DOCK2: variants seen among roughly 807,000 people sequenced by gnomAD.
The protein encoded by DOCK2 is dedicator of cytokinesis 2, also known as dedicator of cytokinesis protein 2.
Under a neutral mutation model 248.9 loss-of-function variants are expected in DOCK2, and 87 were observed. The observed-to-expected ratio is 0.35, with a 90% CI of 0.29 to 0.42. The LOEUF is 0.42. DOCK2 is among the 10% of genes least tolerant of loss of function. The pLI is 1.00. For missense variants in DOCK2, 1,747 were observed against 2,300.2 expected (o/e 0.76, Z 4.92); for synonymous variants, 805 against 821.6 (o/e 0.98, Z 0.35).
intron 51 of DOCK2, among the ~76,000 whole-genome samples, chr5:170,082,374 TG>T (rs1428100959): frequency 1.3e-5 from 2 of 152,196 alleles, no homozygotes; most frequent in Non-Finnish European, 2.9e-5. Context: ...TATTGTTACT[TG>T]TTGGCCTTTG....
rs113301302 is a variant in DOCK2 at position 169,880,510 on chromosome 5, G to A, written c.2799+39658G>A. Among the ~76,000 whole-genome samples, 56 of 152,306 alleles carry A rather than the reference G, an allele frequency of 3.7e-4. 1 individual carries two copies. Among genetic ancestry groups the A allele is most frequent in the African/African-American group, 1.2e-3 (51 of 41,562 alleles). ...ACTTTGGTCAACAAAATTAGATGTC[G>A]TCAACGGAAATTACTGCTTTTGACC... On this transcript the variant is annotated intron_variant, in intron 27 of 51. Coordinates refer to ENST00000520908, the MANE Select transcript of DOCK2 (RefSeq NM_004946.3).
intron 27 of DOCK2, among the ~76,000 whole-genome samples, chr5:169,870,981 T>C (rs901392809): frequency 6.6e-6 from 1 of 152,180 alleles, no homozygotes; most frequent in African/African-American, 2.4e-5. Context: ...GTTGGGTGTC[T>C]GGTAAGGGCC....
In DOCK2 at chr5:169,803,047, C is replaced by T. The variant is rs773853527; in HGVS notation, c.2555-11C>T. ...GGAATTCTACACTACTCTGAACTGT[C>T]TTTATTCCAGAATGCCGGGACATTC... is the stretch of plus-strand genomic sequence containing the variant. On this transcript the variant is annotated splice_polypyrimidine_tract_variant and intron_variant, in intron 25 of 51. Transcript: ENST00000520908. The T allele has an allele frequency of 2.5e-6, 4 of 1,613,934 alleles. No homozygotes were observed. Among genetic ancestry groups the T allele is most frequent in the Admixed American group, 1.7e-5 (1 of 59,958 alleles).
intron 47 of DOCK2, 84 bp downstream of exon 47, chr5:170,076,168 A>T (rs1223075442): frequency 3.9e-6 from 6 of 1,534,030 alleles, no homozygotes; most frequent in Non-Finnish European, 5.3e-6. Context: ...GTTGGAGGGG[A>T]TCCAGCAAAG....
At chr5:169,747,789 C>T (rs1763689782) in intron 23 of DOCK2, among the ~76,000 whole-genome samples, 1 of 152,228 alleles carries the variant, frequency 6.6e-6, no homozygotes, top group African/African-American at 2.4e-5. Context: ...GAGAACAGTT[C>T]ATGGTAGCAG....
At chr5:169,855,110 CT>C (rs1561766836) in intron 27 of DOCK2, among the ~76,000 whole-genome samples, 1 of 152,218 alleles carries the variant, frequency 6.6e-6, no homozygotes, top group Non-Finnish European at 1.5e-5. Flanking sequence ...TTATCTCCCC[CT>C]AAGCCTCCAT....
chr5:170,052,897 C>A (rs920299894), intron 41 of DOCK2, among the ~76,000 whole-genome samples: 2 of 152,200 alleles, frequency 1.3e-5, no homozygotes, highest in African/African-American at 4.8e-5. Flanking sequence ...AGTGATGGAG[C>A]TTGGATTTGA....
intron 22 of DOCK2, among the ~76,000 whole-genome samples, chr5:169,742,163 G>A (rs769537417): frequency 6.6e-6 from 1 of 152,048 alleles, no homozygotes; most frequent in Admixed American, 6.6e-5. Context: ...TGTAGTAAGT[G>A]CTCAGTAAAT....
At chr5:170,055,144 T>G (rs1251113509) in intron 41 of DOCK2, among the ~76,000 whole-genome samples, 161 bp from the exon 42 acceptor site, 1 of 152,220 alleles carries the variant, frequency 6.6e-6, no homozygotes, top group African/African-American at 2.4e-5. Context: ...AGTGACTAAC[T>G]AGTCATTAGT....
At chr5:169,980,388 T>C (rs1380203234) in intron 27 of DOCK2, 2 of 152,176 alleles carry the variant, frequency 1.3e-5, no homozygotes, top group Non-Finnish European at 1.5e-5. Flanking sequence ...GTCCTTCATA[T>C]TGTAATTTTC....
intron 41 of DOCK2, among the ~76,000 whole-genome samples, chr5:170,051,502 C>T (rs1265517390): frequency 6.6e-6 from 1 of 152,206 alleles, no homozygotes; most frequent in Non-Finnish European, 1.5e-5. Flanking sequence ...CCTAGCTTGG[C>T]GTCACCTTCT....
chr5:170,055,220 C>T, intron 41 of DOCK2, 85 bp from the exon 42 acceptor site: 1 of 1,352,844 alleles, frequency 7.4e-7, no homozygotes, highest in Non-Finnish European at 1.1e-6. Flanking sequence ...TAAAGGCTGG[C>T]CTGGAAGGTC....
intron 27 of DOCK2, among the ~76,000 whole-genome samples, chr5:169,915,080 A>G (rs1283995409): frequency 6.6e-6 from 1 of 152,218 alleles, no homozygotes; most frequent in Non-Finnish European, 1.5e-5. Flanking sequence ...CTTAGAATCA[A>G]TTCTAGGCCT....
At chr5:169,677,175 G>A (rs1004359972) in intron 6 of DOCK2, among the ~76,000 whole-genome samples, 15 of 152,124 alleles carry the variant, frequency 9.9e-5, no homozygotes, top group African/African-American at 3.4e-4. Flanking sequence ...ATTCAGGGGA[G>A]CTGGCATGGC....
chr5:169,832,066 A>C (rs954981579), intron 26 of DOCK2, among the ~76,000 whole-genome samples: 6 of 152,320 alleles, frequency 3.9e-5, no homozygotes, highest in Middle Eastern at 3.4e-3. Context: ...AAATGAGCTT[A>C]GGTTCAGGTT....
intron 25 of DOCK2, among the ~76,000 whole-genome samples, chr5:169,791,306 G>A (rs984811480): frequency 1.2e-4 from 18 of 152,208 alleles, no homozygotes; most frequent in Admixed American, 1.1e-3. Flanking sequence ...CTAGCCAACT[G>A]CAATGCGATG....
chr5:169,768,229 G>A (rs1764901077), intron 25 of DOCK2, among the ~76,000 whole-genome samples: 2 of 152,214 alleles, frequency 1.3e-5, no homozygotes, highest in South Asian at 4.1e-4. Flanking sequence ...CACATCACAT[G>A]TGCTAACACC....
At chr5:169,967,965 G>A (rs1272134479) in intron 27 of DOCK2, among the ~76,000 whole-genome samples, 2 of 152,200 alleles carry the variant, frequency 1.3e-5, no homozygotes, top group Non-Finnish European at 2.9e-5. Context: ...CACATGGGGA[G>A]GAGGAAGAAA....
At chr5:169,684,004 C>A (rs1037088861) in intron 7 of DOCK2, among the ~76,000 whole-genome samples, 192 bp from the exon 8 acceptor site, 1 of 152,084 alleles carries the variant, frequency 6.6e-6, no homozygotes, top group African/African-American at 2.4e-5. Context: ...GTGACATTTC[C>A]CAAGATAGAA....
Sources: allele counts gnomAD v4.1 joint callset (sites outside exome capture counted in the v4.1 genomes callset), GRCh38; gene constraint gnomAD v4.1.1; transcripts MANE v1.5; gene names NCBI Gene and HGNC (gene_info 2026-07-23, HGNC 2026-07-21).